POLR2F: variants seen among roughly 807,000 people sequenced by gnomAD.
POLR2F encodes the protein DNA-directed RNA polymerases I, II, and III subunit RPABC2.
POLR2F carries 12 observed loss-of-function variants against 22.7 expected under a neutral mutation model. The ratio of observed to expected loss-of-function variants is 0.53; its 90% CI spans 0.34 to 0.86. POLR2F has a LOEUF of 0.86. Ranked by LOEUF, POLR2F falls within the 40% of genes least tolerant of loss-of-function variation. The pLI, the probability that POLR2F is intolerant of heterozygous loss-of-function variation, is 0.02. For missense variants in POLR2F, 126 were observed against 171.5 expected (o/e 0.73, Z 1.48); for synonymous variants, 57 against 66.0 (o/e 0.86, Z 0.66).
chr22:38,037,263 G>A (rs1351844614), intron 5 of POLR2F, among the ~76,000 whole-genome samples: 1 of 151,868 alleles, frequency 6.6e-6, no homozygotes, highest in Non-Finnish European at 1.5e-5. Context: ...GTTATGTTAT[G>A]TTATGTTATG....
intron 1 of POLR2F, among the ~76,000 whole-genome samples, chr22:38,011,713 T>G (rs1178311466): frequency 2.0e-5 from 3 of 152,162 alleles, no homozygotes; most frequent in Admixed American, 6.5e-5. Flanking sequence ...GTTCTTCTTT[T>G]CAAAATTCCT....
At chr22:37,994,611 C>A (rs572384699) in intron 1 of POLR2F, among the ~76,000 whole-genome samples, 115 of 152,304 alleles carry the variant, frequency 7.6e-4, no homozygotes, top group African/African-American at 2.7e-3. Flanking sequence ...CTCCGCCCCC[C>A]GGGTTCATGC....
At chr22:38,037,334 C>A (rs1344229925) in intron 5 of POLR2F, among the ~76,000 whole-genome samples, 1 of 152,118 alleles carries the variant, frequency 6.6e-6, no homozygotes, top group Non-Finnish European at 1.5e-5. Flanking sequence ...AGTGCAGTGG[C>A]GCAATCTTGG....
downstream of POLR2F, chr22:37,970,815 G>C (rs1182883945): frequency 5.9e-6 from 1 of 170,704 alleles, no homozygotes; most frequent in East Asian, 1.6e-4. Flanking sequence ...AACCCAACAA[G>C]GTGAGATCTG....
At chr22:38,026,949 G>A (rs1188577112), downstream of POLR2F, among the ~76,000 whole-genome samples, 1 of 152,170 alleles carries the variant, frequency 6.6e-6, no homozygotes, top group Non-Finnish European at 1.5e-5. Flanking sequence ...CCCCAGGCAA[G>A]AGGGAAAGTG....
At chr22:37,991,598 T>C (rs555352696) in intron 1 of POLR2F, among the ~76,000 whole-genome samples, 84 of 152,354 alleles carry the variant, frequency 5.5e-4, no homozygotes, top group Non-Finnish European at 7.5e-4. Flanking sequence ...GAGTTTTTGA[T>C]GGAAACCAGT....
chr22:37,977,966 T>C (rs1932273952), intron 4 of POLR2F: 1 of 1,612,194 alleles, frequency 6.2e-7, no homozygotes, highest in African/African-American at 1.3e-5. Context: ...ATGGCGGCGG[T>C]CCCACCTTGC....
At chr22:38,013,372 C>G (rs986099668) in intron 1 of POLR2F, among the ~76,000 whole-genome samples, 4 of 152,190 alleles carry the variant, frequency 2.6e-5, no homozygotes, top group African/African-American at 9.6e-5. Flanking sequence ...TCTCGAACTC[C>G]TGACCTCAGG....
chr22:38,022,803 A>G (rs1446232107), intron 1 of POLR2F, among the ~76,000 whole-genome samples: 1 of 152,138 alleles, frequency 6.6e-6, no homozygotes, highest in Non-Finnish European at 1.5e-5. Flanking sequence ...ACTTGAGGCC[A>G]GGAGTTCAAG....
chr22:38,014,575 C>T (rs1219516003), intron 1 of POLR2F, among the ~76,000 whole-genome samples: 1 of 150,390 alleles, frequency 6.6e-6, no homozygotes, highest in Non-Finnish European at 1.5e-5. Context: ...TCACTGTAAC[C>T]ACTGCCTCCC....
Position 37,978,277 on chromosome 22 carries a change from G to T in POLR2F, c.293+11107G>T. ...GCACCCAGAGGACAGGACCCGGGGT[G>T]GGGGCTGTGCCCTATGATTTGTGGA... On this transcript the variant is annotated intron_variant, in intron 4 of 4. Transcript: ENST00000405557. This position sits in a 1 kb window ranked among gnomAD's most constrained non-coding sequence, Gnocchi z 5.0. The T allele has an allele frequency of 1.1e-6, 1 of 876,760 alleles. No homozygotes were observed. The highest frequency in any genetic ancestry group is 1.7e-6 in the Non-Finnish European group (1 of 593,578). 54.3% of individuals were successfully genotyped at this position (876,760 alleles called of 1,614,324 possible).
rs546703925 is a variant in POLR2F, at chr22:37,974,883, G to A, written c.293+7713G>A. Reference sequence around the variant, plus strand: ...CTGTCTTCCTTGCTGAGCCTCGCTCGCCCAGGCTCCTGAGTGCTCTGTTTC... The same window carrying A: ...CTGTCTTCCTTGCTGAGCCTCGCTCACCCAGGCTCCTGAGTGCTCTGTTTC... On this transcript the variant is annotated intron_variant, in intron 4 of 4. Coordinates refer to the POLR2F transcript ENST00000405557. This position sits in a 1 kb window ranked among gnomAD's most constrained non-coding sequence, Gnocchi z 5.4. Among the ~76,000 whole-genome samples, 1 of 152,072 alleles carries A rather than the reference G, an allele frequency of 6.6e-6. No homozygotes were observed. Among genetic ancestry groups the A allele is most frequent in the Non-Finnish European group, 1.5e-5 (1 of 68,030 alleles).
Position 38,017,271 on chromosome 22 carries a change from C to T in POLR2F, c.121-8598C>T, listed in dbSNP as rs1010074990. On this transcript the variant is annotated intron_variant, in intron 1 of 2. Transcript: ENST00000333418. The surrounding 1 kb of genome is among the most constrained non-coding windows in gnomAD (Gnocchi z 4.1). ...TGCCCTTCCTAGTCCTGGGTCTGTG[C>T]GTCTGAGCCTCGGGTGGAATAGGGG... Among the ~76,000 whole-genome samples the T allele has an allele frequency of 6.6e-6, 1 of 152,154 alleles. No individual in the cohort carries two copies. The highest frequency in any genetic ancestry group is 2.1e-4 in the South Asian group (1 of 4,826).
downstream of POLR2F, among the ~76,000 whole-genome samples, chr22:37,971,679 T>TG (rs1408582636): frequency 6.6e-6 from 1 of 151,434 alleles, no homozygotes; most frequent in Non-Finnish European, 1.5e-5. Flanking sequence ...AGGTGGCAAG[T>TG]GGGGGGATGC....
At chr22:38,037,478 G>A (rs1250666791) in intron 5 of POLR2F, among the ~76,000 whole-genome samples, 1 of 131,542 alleles carries the variant, frequency 7.6e-6, no homozygotes, top group Non-Finnish European at 1.6e-5. Context: ...ATCTTGCTAT[G>A]TTGCCCAGGC....
intron 1 of POLR2F, among the ~76,000 whole-genome samples, chr22:37,996,193 G>GA (rs2084712097): frequency 6.6e-6 from 1 of 152,194 alleles, no homozygotes; most frequent in African/African-American, 2.4e-5. Context: ...GGGGATGGGG[G>GA]ATCTGAGCCA....
rs3026672 is a variant in POLR2F at position 38,034,891 on chromosome 22, G to A, written c.453-6177G>A. Among the ~76,000 whole-genome samples, 20 of 152,178 alleles carry A rather than the reference G, an allele frequency of 1.3e-4. No homozygotes were observed. The South Asian group carries it at 3.9e-3, about 30-fold the overall frequency. On this transcript the variant is annotated intron_variant, in intron 5 of 5. Coordinates refer to the POLR2F transcript ENST00000407936. ...GTGGTGGGAGGTGAGACCTGGGGCC[G>A]TGGCCTAGGACGAGCTGGGGCTTTC... is the stretch of plus-strand genomic sequence containing the variant.
intron 1 of POLR2F, among the ~76,000 whole-genome samples, chr22:37,995,084 C>T (rs1395277706): frequency 6.6e-6 from 1 of 152,212 alleles, no homozygotes; most frequent in Non-Finnish European, 1.5e-5. Context: ...GCCAAGGTCC[C>T]AGCTCCTGCT....
At chr22:37,962,995 A>T (rs953655965) in intron 3 of POLR2F, among the ~76,000 whole-genome samples, 10 of 142,390 alleles carry the variant, frequency 7.0e-5, no homozygotes, top group South Asian at 2.2e-4. Flanking sequence ...CAGCCTATTT[A>T]TTTTTTTTTG....
Sources: allele counts gnomAD v4.1 joint callset (sites outside exome capture counted in the v4.1 genomes callset), GRCh38; gene constraint gnomAD v4.1.1; non-coding constraint Gnocchi (gnomAD v3.1); transcripts MANE v1.5; gene names NCBI Gene and HGNC (gene_info 2026-07-23, HGNC 2026-07-21).